The following HAVCR2 variants were observed in gnomAD, a reference collection of about 807,000 sequenced individuals.
The protein encoded by HAVCR2 is hepatitis A virus cellular receptor 2, also known as T cell immunoglobulin mucin 3.
A neutral mutation model predicts 24.7 loss-of-function variants in HAVCR2; 13 were observed. The ratio of observed to expected loss-of-function variants is 0.53; its 90% CI spans 0.34 to 0.84. The LOEUF (loss-of-function observed/expected upper bound fraction) is 0.84. HAVCR2 is among the 40% of genes least tolerant of loss of function. HAVCR2 has a pLI of 0.01. For synonymous variants in HAVCR2, 154 were observed against 143.4 expected, an observed-to-expected ratio of 1.07 and a Z score of -0.53; for missense variants, 343 against 371.2, an observed-to-expected ratio of 0.92 and a Z score of 0.62.
At chr5:157,095,725 AAGAG>A (rs1554095441) in intron 4 of HAVCR2, among the ~76,000 whole-genome samples, 1 of 151,154 alleles carries the variant, frequency 6.6e-6, no homozygotes, top group African/African-American at 2.4e-5. Context: ...AAAAAAAAAA[AAGAG>A]AGAAGGAGCT....
rs35962270 is a variant in HAVCR2, at chr5:157,086,886, G to A, written c.*216C>T. 9,848 of 511,920 alleles carry A rather than the reference G, an allele frequency of 0.019. 381 individuals are homozygous for A. The highest frequency in any genetic ancestry group is 0.12 in the African/African-American group (5,920 of 50,442). 31.7% of individuals were successfully genotyped at this position (511,920 alleles called of 1,614,324 possible). A position where few individuals can be genotyped will look rare whatever the true frequency, so the allele number is the denominator to read the frequency against. The stretch of plus-strand genomic sequence containing the variant: ...AACATCCATGATTAACAGTCTCTGG[G>A]TTGGGTAACTCTGTTGGCTTAAATA... On this transcript the variant is annotated 3_prime_UTR_variant, in exon 7 of 7. Transcript: ENST00000307851.
chr5:157,096,382 C>T (rs368821622), intron 4 of HAVCR2, among the ~76,000 whole-genome samples: 4 of 152,108 alleles, frequency 2.6e-5, no homozygotes, highest in African/African-American at 9.7e-5. Flanking sequence ...GCTATTATTG[C>T]TATTGCTCTA....
rs866834987 is a variant in HAVCR2 at position 157,106,942 on chromosome 5, T to C, written c.79A>G (p.Arg27Gly). The change falls in exon 2 of 7, where the codon AGA (arginine) becomes GGA (glycine). Residue 27 changes from arginine to glycine, a missense_variant. Physicochemically the swap from Arg to Gly is moderately radical, Grantham distance 125. Transcript: ENST00000307851. ...TAGGCATTCTGACCGACCTCCGCTC[T>C]GTATTCCACTTCTGAGGACCCTGCA... ...LLTRSSEVEYRAEVGQNAYLP... is the reference protein window; with the variant it reads ...LLTRSSEVEYGAEVGQNAYLP... The C allele has an allele frequency of 6.2e-7, 1 of 1,613,598 alleles. No homozygotes were observed. The highest frequency in any genetic ancestry group is 8.5e-7 in the Non-Finnish European group (1 of 1,179,688).
At chr5:157,091,048 T>A (rs1054009829) in intron 5 of HAVCR2, among the ~76,000 whole-genome samples, 1 of 152,106 alleles carries the variant, frequency 6.6e-6, no homozygotes, top group Non-Finnish European at 1.5e-5. Context: ...CAGAAGAAGA[T>A]CTGAAAAGCA....
intron 2 of HAVCR2, 42 bp from the exon 3 acceptor site, chr5:157,104,791 C>T: frequency 7.2e-7 from 1 of 1,391,938 alleles, no homozygotes; most frequent in Non-Finnish European, 1.0e-6. Flanking sequence ...TATCTGAGAG[C>T]AGAAAGCTTA....
At chr5:157,089,057 G>T in intron 5 of HAVCR2, 80 bp from the exon 6 acceptor site, 1 of 1,276,052 alleles carries the variant, frequency 7.8e-7, no homozygotes, top group South Asian at 1.3e-5. Context: ...TTCACTGGAA[G>T]CACGCATAGT....
chr5:157,096,882 G>C (rs1199546509), intron 4 of HAVCR2, among the ~76,000 whole-genome samples: 3 of 151,100 alleles, frequency 2.0e-5, no homozygotes, highest in African/African-American at 7.3e-5. Context: ...CTTGAGACCA[G>C]GAGTTAGGGA....
At chr5:157,087,705 A>C (rs1330181811) in intron 6 of HAVCR2, among the ~76,000 whole-genome samples, 1 of 151,948 alleles carries the variant, frequency 6.6e-6, no homozygotes, top group Non-Finnish European at 1.5e-5. Flanking sequence ...GGAGTTCGAG[A>C]CCAGCCTGGC....
intron 4 of HAVCR2, among the ~76,000 whole-genome samples, chr5:157,096,592 C>A (rs376407183): frequency 2.6e-5 from 4 of 151,982 alleles, no homozygotes; most frequent in African/African-American, 9.7e-5. Context: ...GCCTGGCCAA[C>A]ATGGTGAAAC....
In HAVCR2 at chr5:157,087,160, T is replaced by C; in HGVS notation, c.848A>G (p.Tyr283Cys). 1 of 1,614,064 alleles carries C rather than the reference T, an allele frequency of 6.2e-7. No homozygotes were observed. The highest frequency in any genetic ancestry group is 8.5e-7 in the Non-Finnish European group (1 of 1,180,000). Residue 283 changes from tyrosine to cysteine, a missense_variant, in exon 7 of 7, where the codon TAT (tyrosine) becomes TGT (cysteine). Transcript: ENST00000307851. ...TGAGGGTTGCTGCCTGCTGCTGACA[T>C]AGCAATAATACTCATTGGGCTCCTC... ...EVEEPNEYYC[Y>C]VSSRQQPSQP...
intron 5 of HAVCR2, 92 bp downstream of exon 5, chr5:157,095,214 G>A (rs1216412491): frequency 3.7e-6 from 5 of 1,341,416 alleles, no homozygotes; most frequent in African/African-American, 1.5e-5. Context: ...TCATCTTTGG[G>A]TATAAACATG....
At chr5:157,088,663 G>T (rs573417539) in intron 6 of HAVCR2, among the ~76,000 whole-genome samples, 1 of 152,258 alleles carries the variant, frequency 6.6e-6, no homozygotes, top group Non-Finnish European at 1.5e-5. Context: ...TTTCAGTTCA[G>T]TGGAAAAACC....
Position 157,101,941 on chromosome 5 carries a change from ATT to A in HAVCR2, c.478+2723_478+2724del, listed in dbSNP as rs869260432. 5.7e-3 allele frequency among the ~76,000 whole-genome samples: 471 copies of A among 83,038 alleles called. 1 individual carries two copies. The highest frequency in any genetic ancestry group is 8.4e-3 in the Non-Finnish European group (365 of 43,398). The allele number at this position is 83,038 out of a possible 152,430, so 54.5% of individuals were successfully genotyped here. ...CAGGCACATGCCACCATGCCCGGCTATTTTTTTTTTTTTTTTTTTTTTTGGGA... is the reference window on the plus strand; with the variant it reads ...CAGGCACATGCCACCATGCCCGGCTATTTTTTTTTTTTTTTTTTTTTGGGA... On this transcript the variant is annotated intron_variant, in intron 3 of 6. Coordinates refer to ENST00000307851, the MANE Select transcript of HAVCR2 (RefSeq NM_032782.5).
intron 3 of HAVCR2, among the ~76,000 whole-genome samples, chr5:157,103,646 G>A (rs1757203948): frequency 6.6e-6 from 1 of 152,166 alleles, no homozygotes; most frequent in African/African-American, 2.4e-5. Context: ...ATAAACAGTT[G>A]AGTGCTTTTT....
chr5:157,108,840 A>T (rs1757288503), intron 1 of HAVCR2, 86 bp downstream of exon 1: 1 of 1,324,118 alleles, frequency 7.6e-7, no homozygotes, highest in Non-Finnish European at 1.1e-6. Flanking sequence ...TATTACAAAC[A>T]ACATTACAAT....
chr5:157,088,341 C>T lies in HAVCR2; in HGVS notation c.713+600G>A, dbSNP rs959945746. On this transcript the variant is annotated intron_variant, in intron 6 of 6. Coordinates refer to ENST00000307851, the MANE Select transcript of HAVCR2 (RefSeq NM_032782.5). ...ATGTGTGGGTGTGTATAATCAGGAACGAAGGTCAAGACAGGAGTCTATAAC... is the reference window on the plus strand; with the variant it reads ...ATGTGTGGGTGTGTATAATCAGGAATGAAGGTCAAGACAGGAGTCTATAAC... Among the ~76,000 whole-genome samples the T allele has an allele frequency of 4.6e-5, 7 of 152,154 alleles. 1 individual carries two copies. Among genetic ancestry groups the T allele is most frequent in the African/African-American group, 1.2e-4 (5 of 41,426 alleles).
chr5:157,091,577 G>A (rs1051971211), intron 5 of HAVCR2, among the ~76,000 whole-genome samples: 6 of 151,720 alleles, frequency 4.0e-5, no homozygotes, highest in African/African-American at 1.5e-4. Flanking sequence ...GAGTGTAGAT[G>A]GGTGAAAAGT....
intron 4 of HAVCR2, among the ~76,000 whole-genome samples, chr5:157,097,592 C>T (rs148312458): frequency 1.9e-3 from 281 of 151,694 alleles, no homozygotes; most frequent in Non-Finnish European, 3.1e-3. Context: ...TTGCTGCAAG[C>T]TTGCCTTCTA....
intron 5 of HAVCR2, among the ~76,000 whole-genome samples, chr5:157,094,976 G>T (rs1757072974): frequency 6.6e-6 from 1 of 152,158 alleles, no homozygotes; most frequent in Non-Finnish European, 1.5e-5. Context: ...TTGATTTCCG[G>T]TTCTGCCAGG....
Sources: allele counts gnomAD v4.1 joint callset (sites outside exome capture counted in the v4.1 genomes callset), GRCh38; gene constraint gnomAD v4.1.1; transcripts MANE v1.5; gene names NCBI Gene and HGNC (gene_info 2026-07-23, HGNC 2026-07-21).